The following USP9X variants were observed in gnomAD, a reference collection of about 807,000 sequenced individuals.
USP9X encodes the protein ubiquitin carboxyl-terminal hydrolase 9X.
USP9X carries 7 observed loss-of-function variants against 190.3 expected under a neutral mutation model. The observed-to-expected ratio is 0.04, with a 90% CI of 0.02 to 0.07. The LOEUF (loss-of-function observed/expected upper bound fraction) is 0.07, where lower values mean the gene tolerates loss of function less well. Among genes scored for constraint, USP9X ranks in the 10% least tolerant of loss-of-function variants. The probability of loss-of-function intolerance (pLI) is 1.00; values close to 1 mark genes in which losing one functional copy is unlikely to be tolerated. For missense variants in USP9X, 1,010 were observed against 1,916.9 expected (o/e 0.53, Z 8.83); for synonymous variants, 645 against 659.5 (o/e 0.98, Z 0.34).
At chrX:41,155,017 T>C (rs976758005) in intron 14 of USP9X, among the ~76,000 whole-genome samples, 1 of 112,174 alleles carries the variant, frequency 8.9e-6, no homozygotes, top group Non-Finnish European at 1.9e-5. Context: ...AAGTTAATTA[T>C]GGTTTTTGCC....
Position 41,107,044 on chromosome X carries a change from G to A in USP9X, c.-158-16427G>A, listed in dbSNP as rs1405919395. 5.5e-5 allele frequency among the ~76,000 whole-genome samples: 6 copies of A among 108,785 alleles called. No individual in the cohort carries two copies. In the East Asian group the frequency reaches 1.7e-3, roughly 31 times the overall value. 94.5% of individuals were successfully genotyped at this position (108,785 alleles called of 115,157 possible). A position where few individuals can be genotyped will look rare whatever the true frequency, so the allele number is the denominator to read the frequency against. On this transcript the variant is annotated intron_variant, in intron 1 of 44. Coordinates refer to ENST00000378308, the MANE Select transcript of USP9X (RefSeq NM_001039591.3). ...TGAGATTACAGGCGCCCGCCACCAT[G>A]CCTGGTTAAGTTTTGTATTTTTAGT...
chrX:41,166,479 C>T (rs2062679611), intron 16 of USP9X, among the ~76,000 whole-genome samples: 1 of 111,551 alleles, frequency 9.0e-6, no homozygotes. Context: ...ACATACAAAT[C>T]TTTCATTCCT....
chrX:41,174,856 G>A (rs1313151156), intron 21 of USP9X, among the ~76,000 whole-genome samples: 2 of 111,434 alleles, frequency 1.8e-5, no homozygotes, highest in African/African-American at 6.5e-5. Flanking sequence ...TTAGCCGGGC[G>A]TGTTAGTGTG....
At chrX:41,184,339 T>C in intron 22 of USP9X, 58 bp from the exon 23 acceptor site, 1 of 1,136,403 alleles carries the variant, frequency 8.8e-7, no homozygotes, top group South Asian at 2.1e-5. Context: ...CAAATAGAAG[T>C]TATTTTTTTT....
chrX:41,186,712 T>A, intron 24 of USP9X, 70 bp downstream of exon 24: 4 of 1,104,134 alleles, frequency 3.6e-6, no homozygotes, highest in Non-Finnish European at 4.9e-6. Context: ...CACTGTCTCA[T>A]TCTATAGATA....
chrX:41,126,448 T>C (rs1028547971), intron 2 of USP9X, among the ~76,000 whole-genome samples: 6 of 111,992 alleles, frequency 5.4e-5, no homozygotes, highest in Non-Finnish European at 9.4e-5. Context: ...CTTTTTCATT[T>C]TATACCTGCA....
chrX:41,203,234 G>A (rs1343708559), intron 31 of USP9X, among the ~76,000 whole-genome samples: 1 of 111,454 alleles, frequency 9.0e-6, no homozygotes. Context: ...TTTTAAATGT[G>A]CAGTTGTCCT....
At chrX:41,088,323 C>T (rs2061928537) in intron 1 of USP9X, among the ~76,000 whole-genome samples, 1 of 111,591 alleles carries the variant, frequency 9.0e-6, no homozygotes, top group Admixed American at 9.5e-5. Context: ...TTTTTAATAT[C>T]TTAAGGTATG....
rs1490427764 is a variant in USP9X at position 41,141,108 on chromosome X, G to T, written c.913G>T (p.Asp305Tyr). 1 of 1,204,892 alleles carries T rather than the reference G, an allele frequency of 8.3e-7. No homozygotes were observed. The highest frequency in any genetic ancestry group is 1.8e-5 in the African/African-American group (1 of 57,079). ...KKEAKNEAKNDALSMIIKSLK... is the reference protein window; with the variant it reads ...KKEAKNEAKNYALSMIIKSLK... ...AGAAGCAAAGAATGAAGCCAAAAAT[G>T]ATGCTCTTTCAATGATTATTAAATC... Residue 305 changes from aspartate (D) to tyrosine (Y), a missense_variant, in exon 8 of 45, where the codon GAT becomes TAT. By Grantham distance (160) the Asp-to-Tyr change is radical (BLOSUM62 -3). Transcript: ENST00000378308.
Position 41,235,297 on chromosome X carries a change from T to A in USP9X, c.*2773T>A, listed in dbSNP as rs2063392033. 8.8e-6 allele frequency: 1 copy of A among 113,130 alleles called. No individual in the cohort carries two copies. Among genetic ancestry groups the A allele is most frequent in the Admixed American group, 9.4e-5 (1 of 10,646 alleles). The allele number at this position is 113,130 out of a possible 1,213,427, so 9.3% of individuals were successfully genotyped here. ...ATAACCAGAAATTTAAAGATGCATGTTGTTGCAAGAGCAACATAATGGTGA... is the reference window on the plus strand; with the variant it reads ...ATAACCAGAAATTTAAAGATGCATGATGTTGCAAGAGCAACATAATGGTGA... On this transcript the variant is annotated 3_prime_UTR_variant, in exon 45 of 45. Transcript: ENST00000378308.
chrX:41,133,613 A>AACC (rs772971783), intron 4 of USP9X, among the ~76,000 whole-genome samples: 252 of 112,101 alleles, frequency 2.2e-3, no homozygotes, highest in African/African-American at 7.9e-3. Context: ...TGTACCCATT[A>AACC]ACCATCCCGC....
intron 22 of USP9X, 55 bp from the exon 23 acceptor site, chrX:41,184,341 AT>A (rs56874987): frequency 6.4e-4 from 677 of 1,056,411 alleles, no homozygotes; most frequent in Middle Eastern, 1.1e-3. Flanking sequence ...AATAGAAGTT[AT>A]TTTTTTTTTA....
intron 21 of USP9X, among the ~76,000 whole-genome samples, chrX:41,174,009 A>G (rs2062751589): frequency 8.9e-6 from 1 of 112,096 alleles, no homozygotes; most frequent in Non-Finnish European, 1.9e-5. Context: ...GTTTAAATAC[A>G]CAAATACCAT....
At chrX:41,161,370 C>T (rs1199046592) in intron 14 of USP9X, among the ~76,000 whole-genome samples, 26 of 69,825 alleles carry the variant, frequency 3.7e-4, no homozygotes, top group Non-Finnish European at 6.0e-4. Context: ...GACGGAGTCT[C>T]GTTCTGTTAC....
intron 33 of USP9X, among the ~76,000 whole-genome samples, chrX:41,213,211 C>T (rs1355741675): frequency 9.0e-6 from 1 of 111,208 alleles, no homozygotes; most frequent in Non-Finnish European, 1.9e-5. Context: ...TCAGGAGGAT[C>T]GCTTGAGCCC....
At chrX:41,205,601 T>A in intron 32 of USP9X, 108 bp downstream of exon 32, 1 of 757,981 alleles carries the variant, frequency 1.3e-6, no homozygotes, top group Non-Finnish European at 1.8e-6. Flanking sequence ...TTTTAAGCAC[T>A]GGTAATATTC....
rs756203778 is a variant in USP9X at position 41,225,076 on chromosome X, C to A, written c.7000C>A (p.Arg2334=). Residue 2334 remains arginine (R), a synonymous_variant, in exon 41 of 45, where the codon CGG becomes AGG. Coordinates refer to ENST00000378308, the MANE Select transcript of USP9X (RefSeq NM_001039591.3). ...TGCATATTCCTATACCTATGAACTG[C>A]GGCCCTATTTGGATCTGCTTTTGCA... ...QVAYSYTYEL[R]PYLDLLLQIL... 7 of 1,209,859 alleles carry A rather than the reference C, an allele frequency of 5.8e-6. No individual in the cohort carries two copies. The highest frequency in any genetic ancestry group is 7.8e-6 in the Non-Finnish European group (7 of 895,084).
intron 26 of USP9X, 81 bp downstream of exon 26, chrX:41,189,556 A>G (rs1487930551): frequency 2.2e-6 from 2 of 910,527 alleles, no homozygotes; most frequent in Non-Finnish European, 3.0e-6. Flanking sequence ...TGTGTCCCCA[A>G]AATTAAATAT....
chrX:41,203,335 ACTCCCCATT>A (rs1162643387), intron 31 of USP9X, among the ~76,000 whole-genome samples: 1 of 110,743 alleles, frequency 9.0e-6, no homozygotes, highest in African/African-American at 3.3e-5. Flanking sequence ...TCATTAAGCT[ACTCCCCATT>A]CTCCCTCCCC....
Sources: allele counts gnomAD v4.1 joint callset (sites outside exome capture counted in the v4.1 genomes callset), GRCh38; gene constraint gnomAD v4.1.1; transcripts MANE v1.5; gene names NCBI Gene and HGNC (gene_info 2026-07-23, HGNC 2026-07-21).